Variants in SPPL2A observed in about 807,000 individuals in gnomAD.
The protein encoded by SPPL2A is signal peptide peptidase-like 2A.
Under a neutral mutation model 63.8 loss-of-function variants are expected in SPPL2A, and 51 were observed. The ratio of observed to expected loss-of-function variants is 0.80; its 90% CI spans 0.64 to 1.01. The LOEUF (loss-of-function observed/expected upper bound fraction) is 1.01. Ranked by LOEUF, SPPL2A falls within the 50% of genes least tolerant of loss-of-function variation. SPPL2A has a pLI of 0.00. For missense variants in SPPL2A, 553 were observed against 622.7 expected, an observed-to-expected ratio of 0.89 and a Z score of 1.19; for synonymous variants, 188 against 205.8, an observed-to-expected ratio of 0.91 and a Z score of 0.74.
rs780488291 is a variant in SPPL2A at position 50,707,780 on chromosome 15, T to G, written c.*20A>C. ...TATTTGTAGAAAATCAATGACACAT[T>G]ATAGCAGTTCCACATAATATTATTG... On this transcript the variant is annotated 3_prime_UTR_variant, in exon 15 of 15. Transcript: ENST00000261854. The G allele has an allele frequency of 5.5e-6, 7 of 1,274,898 alleles. No homozygotes were observed. The South Asian group carries it at 8.4e-5, about 15-fold the overall frequency. The allele number at this position is 1,274,898 out of a possible 1,614,324, so 79.0% of individuals were successfully genotyped here. A position where few individuals can be genotyped will look rare whatever the true frequency, so the allele number is the denominator to read the frequency against.
chr15:50,764,880 T>C (rs2141068859), intron 1 of SPPL2A, among the ~76,000 whole-genome samples: 1 of 151,228 alleles, frequency 6.6e-6, no homozygotes, highest in South Asian at 2.1e-4. Flanking sequence ...TTTTAAAAGT[T>C]ATTTTAAATT....
chr15:50,745,195 GC>G (rs2062848828), intron 5 of SPPL2A, among the ~76,000 whole-genome samples: 1 of 152,174 alleles, frequency 6.6e-6, no homozygotes, highest in East Asian at 1.9e-4. Context: ...CTGTCACCCA[GC>G]TTGGAGTGCA....
At chr15:50,712,670 TCCCCC>T (rs376175768) in intron 14 of SPPL2A, among the ~76,000 whole-genome samples, 3 of 53,828 alleles carry the variant, frequency 5.6e-5, no homozygotes, top group African/African-American at 1.7e-4. Context: ...CCTCCCTCCC[TCCCCC>T]CCCCTTTTTT....
At chr15:50,763,957 A>G (rs1470065792) in intron 1 of SPPL2A, among the ~76,000 whole-genome samples, 16 of 152,234 alleles carry the variant, frequency 1.1e-4, no homozygotes, top group Non-Finnish European at 2.9e-5. Flanking sequence ...GAGACAGCCT[A>G]GATACAATTT....
At position 50,706,338 on chromosome 15, in the gene SPPL2A, C is replaced by T. The variant is rs866137571; in HGVS notation, c.*1462G>A. On this transcript the variant is annotated 3_prime_UTR_variant, in exon 15 of 15. Coordinates refer to ENST00000261854, the MANE Select transcript of SPPL2A (RefSeq NM_032802.4). ...CCGGGAGGCGGAGCTTGCAGTGAGC[C>T]GAGATCCCGCCACTGCACTCCAGCC... 4.2e-5 allele frequency: 6 copies of T among 141,326 alleles called. No homozygotes were observed. Among genetic ancestry groups the T allele is most frequent in the African/African-American group, 8.0e-5 (3 of 37,580 alleles). The allele number at this position is 141,326 out of a possible 1,614,324, so 8.8% of individuals were successfully genotyped here. A position where few individuals can be genotyped will look rare whatever the true frequency, so the allele number is the denominator to read the frequency against.
chr15:50,736,550 T>C (rs2062772592), intron 7 of SPPL2A, 94 bp downstream of exon 7: 1 of 680,898 alleles, frequency 1.5e-6, no homozygotes, highest in Non-Finnish European at 2.5e-6. Context: ...CCAATGTATA[T>C]TGGACTATAT....
intron 3 of SPPL2A, 38 bp from the exon 4 acceptor site, chr15:50,748,240 A>T (rs1473798423): frequency 9.4e-6 from 7 of 748,592 alleles, no homozygotes; most frequent in Non-Finnish European, 1.5e-5. Flanking sequence ...ATTTACTACT[A>T]ATATATTTAT....
intron 14 of SPPL2A, among the ~76,000 whole-genome samples, chr15:50,711,047 T>G (rs150382002): frequency 9.9e-5 from 15 of 152,264 alleles, no homozygotes; most frequent in African/African-American, 2.9e-4. Flanking sequence ...TTTATTTGCT[T>G]TATACTAATT....
Position 50,741,388 on chromosome 15 carries a change from G to A in SPPL2A, c.585-1560C>T, listed in dbSNP as rs1181914539. Among the ~76,000 whole-genome samples, 3 of 151,332 alleles carry A rather than the reference G, an allele frequency of 2.0e-5. No homozygotes were observed. In the East Asian group the frequency reaches 5.8e-4, roughly 29 times the overall value. ...AAAAAAAAAAAGAGTAGATTGCCTGGGAAAAGAGGAGGGAGAGAGTTGATG... is the reference window on the plus strand; with the variant it reads ...AAAAAAAAAAAGAGTAGATTGCCTGAGAAAAGAGGAGGGAGAGAGTTGATG... On this transcript the variant is annotated intron_variant, in intron 5 of 14. Transcript: ENST00000261854.
At position 50,747,529 on chromosome 15, in the gene SPPL2A, C is replaced by T; in HGVS notation, c.550G>A (p.Ala184Thr). The T allele has an allele frequency of 1.2e-6, 2 of 1,611,986 alleles. No homozygotes were observed. Among genetic ancestry groups the T allele is most frequent in the Non-Finnish European group, 1.7e-6 (2 of 1,178,892 alleles). ...VIFVIAVFTV[A>T]LGGYWSGLVE... ...AGTCCACTCCAGTATCCACCTAATG[C>T]CACAGTGAACACCGCAATTACAAAA... Residue 184 changes from alanine (A) to threonine (T), a missense_variant, in exon 5 of 15, where the codon GCA becomes ACA. Transcript: ENST00000261854.
intron 2 of SPPL2A, among the ~76,000 whole-genome samples, 190 bp downstream of exon 2, chr15:50,749,446 C>A (rs1179589108): frequency 6.6e-6 from 1 of 152,142 alleles, no homozygotes; most frequent in Non-Finnish European, 1.5e-5. Context: ...TGCCACCACA[C>A]CCAGCTAATT....
At chr15:50,757,146 G>A (rs977731842) in intron 1 of SPPL2A, among the ~76,000 whole-genome samples, 4 of 148,334 alleles carry the variant, frequency 2.7e-5, no homozygotes, top group African/African-American at 1.0e-4. Context: ...GCAGTGGTGC[G>A]ATCTCTGCTC....
rs1596394383 is a variant in SPPL2A, at chr15:50,748,126, C to G, written c.437G>C (p.Arg146Thr). The part of the protein sequence containing the change: ...LIAFISYKDF[R>T]DMNQTLGDNI... ...TTGCTAATTTACCTGGTTCATATCT[C>G]TAAAGTCTTTGTAGCTTATAAATGC... is the stretch of plus-strand genomic sequence containing the variant. The change falls in exon 4 of 15, where the codon AGA becomes ACA. Residue 146 changes from arginine to threonine, a missense_variant. By Grantham distance (71) the Arg-to-Thr change is moderately conservative. Coordinates refer to ENST00000261854, the MANE Select transcript of SPPL2A (RefSeq NM_032802.4). The G allele has an allele frequency of 2.0e-5, 28 of 1,433,936 alleles. No individual in the cohort carries two copies. The highest frequency in any genetic ancestry group is 2.6e-5 in the Non-Finnish European group (28 of 1,062,506). 88.8% of individuals were successfully genotyped at this position (1,433,936 alleles called of 1,614,324 possible).
chr15:50,725,981 G>C, intron 11 of SPPL2A: 2 of 782,630 alleles, frequency 2.6e-6, no homozygotes, highest in Non-Finnish European at 3.6e-6. Context: ...ATTTTTTTTG[G>C]CAATCTGGAT....
chr15:50,744,720 A>G (rs1461649731), intron 5 of SPPL2A, among the ~76,000 whole-genome samples: 1 of 152,204 alleles, frequency 6.6e-6, no homozygotes, highest in African/African-American at 2.4e-5. Flanking sequence ...AATTTTGGCC[A>G]TTTGAGTCTT....
intron 5 of SPPL2A, 133 bp downstream of exon 5, chr15:50,747,362 C>G: frequency 2.7e-6 from 2 of 727,630 alleles, no homozygotes; most frequent in Non-Finnish European, 4.7e-6. Context: ...TACATGAGGA[C>G]AAACCTGCAG....
Position 50,725,335 on chromosome 15 carries a change from CAAAA to C in SPPL2A, c.1147-16_1147-13del, listed in dbSNP as rs2062677767. 1 of 492,022 alleles carries C rather than the reference CAAAA, an allele frequency of 2.0e-6. No individual in the cohort carries two copies. The highest frequency in any genetic ancestry group is 2.8e-6 in the Non-Finnish European group (1 of 353,318). 30.5% of individuals were successfully genotyped at this position (492,022 alleles called of 1,614,324 possible). On this transcript the variant is annotated splice_polypyrimidine_tract_variant and intron_variant, in intron 11 of 14. Transcript: ENST00000261854. Reference sequence around the variant, plus strand: ...ATGACTACTGGCAACTGTTCAAAAACAAAACAAAACAAAACAAAACAAAACAAAA... The same window carrying C: ...ATGACTACTGGCAACTGTTCAAAAACCAAAACAAAACAAAACAAAACAAAA...
Position 50,725,749 on chromosome 15 carries a change from T to C in SPPL2A, c.1147-426A>G, listed in dbSNP as rs542050203. Among the ~76,000 whole-genome samples the C allele has an allele frequency of 9.1e-4, 138 of 152,292 alleles. 1 individual carries two copies. The highest frequency in any genetic ancestry group is 3.1e-3 in the African/African-American group (130 of 41,554). ...CCTGGCCACCCATATCTTCTAGAAA[T>C]GGAATGATTAACATTAGAATAGTTC... On this transcript the variant is annotated intron_variant, in intron 11 of 14. Transcript: ENST00000261854.
chr15:50,711,241 C>T (rs12904617), intron 14 of SPPL2A, among the ~76,000 whole-genome samples: 13,507 of 127,574 alleles, frequency 0.11, 730 homozygotes, highest in South Asian at 0.17. Context: ...TGGAGTGTTG[C>T]TTTTGTTGCC....
Sources: gnomAD v4.1 joint callset for allele counts (sites outside exome capture counted in the v4.1 genomes callset) on GRCh38, gnomAD v4.1.1 for gene constraint, MANE v1.5 for transcripts, NCBI Gene and HGNC (gene_info 2026-07-23, HGNC 2026-07-21) for gene names.